Variants in DGKH observed in about 807,000 individuals in gnomAD.
DGKH encodes the protein diacylglycerol kinase eta, also known as DAG kinase eta.
In DGKH, 90 loss-of-function variants were observed where a neutral mutation model predicts 159.3. That is an observed-to-expected ratio of 0.57 (90% CI 0.48 to 0.67). DGKH has a LOEUF of 0.67. DGKH is among the 30% of genes least tolerant of loss of function. The probability of loss-of-function intolerance (pLI) is 0.00; values close to 1 mark genes in which losing one functional copy is unlikely to be tolerated. For missense variants in DGKH, 1,181 were observed against 1,506.1 expected, an observed-to-expected ratio of 0.78 and a Z score of 3.57; for synonymous variants, 536 against 553.8, an observed-to-expected ratio of 0.97 and a Z score of 0.45.
In DGKH at chr13:42,168,832, C is replaced by G; in HGVS notation, c.1367+14C>G. On this transcript the variant is annotated intron_variant, in intron 11 of 29. Coordinates refer to ENST00000337343, the MANE Select transcript of DGKH (RefSeq NM_178009.5). ...AATGTTGGACAGGTAAAAGTAAATT[C>G]TTTTCTACAACTAGATGGAAAATGG... The G allele has an allele frequency of 6.2e-7, 1 of 1,602,566 alleles. No individual in the cohort carries two copies. Among genetic ancestry groups the G allele is most frequent in the Non-Finnish European group, 8.5e-7 (1 of 1,173,680 alleles).
chr13:42,256,095 G>A (rs192004483), intron 30 of DGKH: 8 of 1,204,938 alleles, frequency 6.6e-6, no homozygotes, highest in African/African-American at 3.0e-5. Flanking sequence ...GAACCAGGAA[G>A]TAGTATCATG....
At chr13:42,221,445 T>A (rs1397314196) in intron 29 of DGKH, 51 bp downstream of exon 29, 1 of 1,603,284 alleles carries the variant, frequency 6.2e-7, no homozygotes, top group Non-Finnish European at 8.5e-7. Context: ...CAAAACAGAA[T>A]CCTTTCTCCT....
At chr13:42,189,577 T>A (rs1165878678) in intron 15 of DGKH, among the ~76,000 whole-genome samples, 1 of 152,144 alleles carries the variant, frequency 6.6e-6, no homozygotes, top group Admixed American at 6.5e-5. Context: ...CTAGTTTAAA[T>A]GACATTTAAA....
At chr13:42,193,724 G>A (rs545937042) in intron 16 of DGKH, among the ~76,000 whole-genome samples, 22 of 152,248 alleles carry the variant, frequency 1.4e-4, no homozygotes, top group African/African-American at 4.8e-4. Context: ...ATTTAAAAAA[G>A]GGGTGGCTGT....
At chr13:42,111,806 C>T (rs905445963) in intron 1 of DGKH, among the ~76,000 whole-genome samples, 1 of 152,168 alleles carries the variant, frequency 6.6e-6, no homozygotes, top group African/African-American at 2.4e-5. Flanking sequence ...CAGACATAAC[C>T]ACTTCTCAGG....
At chr13:42,155,168 A>T (rs557768724) in intron 3 of DGKH, 123 bp from the exon 4 acceptor site, 1 of 767,552 alleles carries the variant, frequency 1.3e-6, no homozygotes, top group East Asian at 2.7e-5. Flanking sequence ...TATCATACAG[A>T]TTACAAAAAC....
At chr13:42,085,804 G>A (rs1183413225) in intron 1 of DGKH, among the ~76,000 whole-genome samples, 4 of 152,154 alleles carry the variant, frequency 2.6e-5, no homozygotes, top group East Asian at 3.8e-4. Context: ...GAAGTCCATA[G>A]TCTGAGTGAT....
chr13:42,171,737 T>G (rs1413633842), intron 11 of DGKH, among the ~76,000 whole-genome samples: 2 of 150,024 alleles, frequency 1.3e-5, no homozygotes, highest in African/African-American at 4.9e-5. Context: ...TATTCACCCT[T>G]GTGTTTCCAG....
At chr13:42,187,185 T>C (rs1170981758) in intron 14 of DGKH, 37 bp downstream of exon 14, 1 of 1,528,940 alleles carries the variant, frequency 6.5e-7, no homozygotes, top group Non-Finnish European at 9.1e-7. Context: ...GAGTTGTTTA[T>C]GGACAATGCT....
chr13:42,195,041 GTA>G lies in DGKH; in HGVS notation c.2167+27_2167+28del, dbSNP rs770676813. On this transcript the variant is annotated intron_variant, in intron 17 of 29. Coordinates refer to ENST00000337343, the MANE Select transcript of DGKH (RefSeq NM_178009.5). ...GGTAGTACAGATTCTGAAACATCGT[GTA>G]TTTTTCAGTATTTCTGTGAAAAGGT... 1.9e-6 allele frequency: 3 copies of G among 1,602,098 alleles called. No homozygotes were observed. In the South Asian group the frequency reaches 3.4e-5, roughly 18 times the overall value.
chr13:42,229,046 G>T (rs1383262554), intron 29 of DGKH, 53 bp from the exon 30 acceptor site: 14 of 1,488,128 alleles, frequency 9.4e-6, no homozygotes, highest in Admixed American at 2.0e-5. Context: ...TTCTTTCTGT[G>T]TTTTTTCTTT....
rs1449299872 is a variant in DGKH, at chr13:42,233,288, T to C, written c.*4100T>C. On this transcript the variant is annotated 3_prime_UTR_variant, in exon 30 of 30. Transcript: ENST00000337343. ...TGGTGCAGATCATTGCTACTCAAAATGTGATCCATGGGCCAGCAGCATCAA... is the reference window on the plus strand; with the variant it reads ...TGGTGCAGATCATTGCTACTCAAAACGTGATCCATGGGCCAGCAGCATCAA... 5 of 152,198 alleles carry C rather than the reference T, an allele frequency of 3.3e-5. No individual in the cohort carries two copies. The allele number at this position is 152,198 out of a possible 1,614,324, so 9.4% of individuals were successfully genotyped here. A position where few individuals can be genotyped will look rare whatever the true frequency, so the allele number is the denominator to read the frequency against.
intron 1 of DGKH, among the ~76,000 whole-genome samples, chr13:42,072,817 G>A (rs560354617): frequency 4.6e-5 from 7 of 152,166 alleles, no homozygotes; most frequent in South Asian, 2.1e-4. Flanking sequence ...TTCTCAGGGC[G>A]ACCTGCCCTG....
intron 4 of DGKH, 27 bp downstream of exon 4, chr13:42,155,422 C>T (rs757610730): frequency 6.9e-6 from 11 of 1,594,132 alleles, no homozygotes; most frequent in East Asian, 2.2e-5. Context: ...TCTTTCATCT[C>T]GTGTTCTTAG....
At chr13:42,067,305 T>G (rs1882648115) in intron 1 of DGKH, among the ~76,000 whole-genome samples, 1 of 152,172 alleles carries the variant, frequency 6.6e-6, no homozygotes, top group African/African-American at 2.4e-5. Flanking sequence ...ATCCATCAGT[T>G]TAGAACCTAT....
chr13:42,167,914 G>A (rs1162888300), intron 9 of DGKH, among the ~76,000 whole-genome samples: 1 of 152,064 alleles, frequency 6.6e-6, no homozygotes. Flanking sequence ...TTAGGAGACG[G>A]GATGTGTCAA....
At chr13:42,117,556 C>T (rs1954987361) in intron 1 of DGKH, among the ~76,000 whole-genome samples, 1 of 152,068 alleles carries the variant, frequency 6.6e-6, no homozygotes, top group Non-Finnish European at 1.5e-5. Context: ...AATGTTTTTT[C>T]CTTTTCTTTT....
chr13:42,044,147 T>G (rs1190802370), upstream of DGKH: 2 of 152,282 alleles, frequency 1.3e-5, no homozygotes, highest in African/African-American at 4.8e-5. Flanking sequence ...CATGAGCCAC[T>G]GCACCTGGCC....
intron 1 of DGKH, among the ~76,000 whole-genome samples, chr13:42,097,688 C>T (rs559188890): frequency 1.1e-4 from 17 of 152,168 alleles, no homozygotes; most frequent in Non-Finnish European, 2.1e-4. Flanking sequence ...CTATTCCAGA[C>T]ATTCTCTGCT....
Sources: allele counts gnomAD v4.1 joint callset (sites outside exome capture counted in the v4.1 genomes callset), GRCh38; gene constraint gnomAD v4.1.1; transcripts MANE v1.5; gene names NCBI Gene and HGNC (gene_info 2026-07-23, HGNC 2026-07-21).